The following RBFOX1 variants were observed in gnomAD, a reference collection of about 807,000 sequenced individuals.
RBFOX1 encodes the protein RNA binding fox-1 homolog 1, also known as RNA binding protein fox-1 homolog 1.
Under a neutral mutation model 57.7 loss-of-function variants are expected in RBFOX1, and 8 were observed. That is an observed-to-expected ratio of 0.14 (90% CI 0.08 to 0.25). RBFOX1 has a LOEUF of 0.25. Ranked by LOEUF, RBFOX1 falls within the 10% of genes least tolerant of loss-of-function variation. The probability of loss-of-function intolerance (pLI) is 1.00; values close to 1 mark genes in which losing one functional copy is unlikely to be tolerated. For synonymous variants in RBFOX1, 326 were observed against 222.4 expected (o/e 1.47, Z -4.15); for missense variants, 611 against 548.5 (o/e 1.11, Z -1.14).
intron 3 of RBFOX1, among the ~76,000 whole-genome samples, chr16:6,760,171 G>A (rs766694438): frequency 2.0e-5 from 3 of 152,152 alleles, no homozygotes; most frequent in Non-Finnish European, 2.9e-5. Flanking sequence ...GATAAGCATC[G>A]CTATGTTTGA....
intron 4 of RBFOX1, among the ~76,000 whole-genome samples, chr16:7,460,389 A>ATATATATATATATATATGTGTGTGTGTG: frequency 5.7e-5 from 5 of 87,206 alleles, no homozygotes; most frequent in African/African-American, 3.3e-4. Flanking sequence ...ATATATATAT[A>ATATATATATATATATATGTGTGTGTGTG]TGTGTGTGTG....
At chr16:5,414,071 TG>T (rs1194422921) in intron 1 of RBFOX1, among the ~76,000 whole-genome samples, 10 of 152,172 alleles carry the variant, frequency 6.6e-5, no homozygotes, top group Non-Finnish European at 1.3e-4. Context: ...GCCTCTTCTT[TG>T]GGGCTGTACA....
chr16:7,360,319 C>G (rs1260489341), intron 4 of RBFOX1, among the ~76,000 whole-genome samples: 2 of 152,178 alleles, frequency 1.3e-5, no homozygotes, highest in African/African-American at 4.8e-5. Flanking sequence ...CTGTGGTCAA[C>G]TGAAAACAGT....
chr16:6,974,426 C>A (rs993774777), intron 3 of RBFOX1, among the ~76,000 whole-genome samples: 2 of 139,036 alleles, frequency 1.4e-5, no homozygotes, highest in African/African-American at 2.7e-5. Context: ...TTCACTGCAA[C>A]TTTCGCCTCC....
At chr16:6,938,199 A>C (rs2153490269) in intron 3 of RBFOX1, among the ~76,000 whole-genome samples, 1 of 152,306 alleles carries the variant, frequency 6.6e-6, no homozygotes. Flanking sequence ...TGTAGAATAT[A>C]ATCTGTCATT....
chr16:6,925,337 C>T (rs1225380807), intron 3 of RBFOX1, among the ~76,000 whole-genome samples: 16 of 151,398 alleles, frequency 1.1e-4, no homozygotes. Context: ...GTTGGCCAGG[C>T]TGGTCTTGAA....
At chr16:5,668,679 A>C (rs774089567) in intron 3 of RBFOX1, among the ~76,000 whole-genome samples, 1 of 152,162 alleles carries the variant, frequency 6.6e-6, no homozygotes, top group African/African-American at 2.4e-5. Flanking sequence ...CCTTTCCCCT[A>C]TCATCAAGAT....
intron 3 of RBFOX1, among the ~76,000 whole-genome samples, chr16:5,842,029 A>G (rs1167090114): frequency 2.6e-5 from 4 of 152,202 alleles, no homozygotes; most frequent in Non-Finnish European, 5.9e-5. Context: ...TGCTGATGGC[A>G]TTCAGGCTTC....
chr16:5,974,787 T>C (rs2152303102), intron 4 of RBFOX1, among the ~76,000 whole-genome samples: 1 of 152,176 alleles, frequency 6.6e-6, no homozygotes, highest in Middle Eastern at 3.4e-3. Flanking sequence ...GGTGGGAGGA[T>C]CACCTGAGGT....
chr16:6,924,284 C>T (rs938513944), intron 3 of RBFOX1, among the ~76,000 whole-genome samples: 2 of 152,118 alleles, frequency 1.3e-5, no homozygotes, highest in Non-Finnish European at 2.9e-5. Context: ...ATGGCTCCAG[C>T]ATCTGCTCTG....
intron 2 of RBFOX1, among the ~76,000 whole-genome samples, chr16:6,328,525 C>T (rs2024387): frequency 0.99 from 151,216 of 152,286 alleles, 75,090 homozygotes; most frequent in Middle Eastern, 1. Flanking sequence ...TCACATCTAG[C>T]AGTTCATTAA....
At chr16:5,657,627 T>C (rs1331842800) in intron 3 of RBFOX1, among the ~76,000 whole-genome samples, 1 of 59,112 alleles carries the variant, frequency 1.7e-5, no homozygotes, top group African/African-American at 7.3e-5. Flanking sequence ...TTTCTCTCTT[T>C]CTTTCTTTCT....
At chr16:6,741,411 C>G (rs1246490642) in intron 3 of RBFOX1, among the ~76,000 whole-genome samples, 5 of 152,130 alleles carry the variant, frequency 3.3e-5, no homozygotes, top group Middle Eastern at 3.4e-3. Flanking sequence ...GCCTGTAATA[C>G]CAGCACTTTG....
intron 4 of RBFOX1, among the ~76,000 whole-genome samples, chr16:7,368,769 G>T (rs1176422989): frequency 8.6e-6 from 1 of 116,076 alleles, no homozygotes; most frequent in African/African-American, 3.4e-5. Flanking sequence ...GACAGAGCGA[G>T]ACTCTGTCTC....
intron 4 of RBFOX1, among the ~76,000 whole-genome samples, chr16:7,273,252 T>TCCTTCCTTCCTTCCTTCCTC (rs1567986194): frequency 8.3e-5 from 8 of 96,576 alleles, no homozygotes; most frequent in African/African-American, 3.4e-4. Context: ...CTTCCTTCCT[T>TCCTTCCTTCCTTCCTTCCTC]CCTTCCTTCC....
chr16:7,048,344 C>G (rs951013069), intron 3 of RBFOX1, among the ~76,000 whole-genome samples: 1 of 152,268 alleles, frequency 6.6e-6, no homozygotes, highest in African/African-American at 2.4e-5. Context: ...ACTGCAACCT[C>G]TGCCTCCCAG....
intron 4 of RBFOX1, among the ~76,000 whole-genome samples, chr16:5,886,289 G>T (rs1055177024): frequency 6.6e-6 from 1 of 152,168 alleles, no homozygotes; most frequent in African/African-American, 2.4e-5. Flanking sequence ...GTCCTTATCT[G>T]TAAAACAGAG....
intron 3 of RBFOX1, among the ~76,000 whole-genome samples, chr16:6,861,775 T>A (rs1176960148): frequency 6.6e-6 from 1 of 151,306 alleles, no homozygotes; most frequent in African/African-American, 2.4e-5. Context: ...TTGGCCAAAG[T>A]GTTTCCACGT....
At chr16:5,607,951 T>A (rs2047645923) in intron 3 of RBFOX1, among the ~76,000 whole-genome samples, 1 of 152,162 alleles carries the variant, frequency 6.6e-6, no homozygotes, top group African/African-American at 2.4e-5. Context: ...TTGGGGTTGT[T>A]TGTAGTTTGG....
Sources: gnomAD v4.1 joint callset for allele counts (sites outside exome capture counted in the v4.1 genomes callset) on GRCh38, gnomAD v4.1.1 for gene constraint, MANE v1.5 for transcripts, NCBI Gene and HGNC (gene_info 2026-07-23, HGNC 2026-07-21) for gene names.